The following DNAH14 variants were observed in gnomAD, a reference collection of about 807,000 sequenced individuals.
DNAH14 encodes axonemal beta dynein heavy chain 14.
A neutral mutation model predicts 520.9 loss-of-function variants in DNAH14; 478 were observed. That is an observed-to-expected ratio of 0.92 (90% CI 0.85 to 0.99). DNAH14 has a LOEUF of 0.99. Ranked by LOEUF, DNAH14 falls within the 50% of genes least tolerant of loss-of-function variation. The pLI is 0.00. For synonymous variants in DNAH14, 1,581 were observed against 1,757.2 expected (o/e 0.90, Z 2.51); for missense variants, 4,831 against 5,234.5 (o/e 0.92, Z 2.38).
intron 36 of DNAH14, among the ~76,000 whole-genome samples, chr1:225,169,033 C>A (rs538033116): frequency 6.6e-6 from 1 of 152,216 alleles, no homozygotes; most frequent in African/African-American, 2.4e-5. Flanking sequence ...GATACCCAGA[C>A]AAACAGGGTC....
At chr1:225,328,135 T>G (rs748922910) in intron 64 of DNAH14, among the ~76,000 whole-genome samples, 1 of 152,132 alleles carries the variant, frequency 6.6e-6, no homozygotes, top group Non-Finnish European at 1.5e-5. Context: ...ACCCAAACAG[T>G]TTCTCTCTGA....
intron 10 of DNAH14, among the ~76,000 whole-genome samples, chr1:225,009,768 T>C (rs887576435): frequency 5.3e-5 from 8 of 152,330 alleles, no homozygotes; most frequent in Middle Eastern, 3.4e-3. Context: ...GTTTGTGTCC[T>C]CTCTTATTTC....
Position 225,144,548 on chromosome 1 carries a change from G to A in DNAH14, c.4660G>A (p.Ala1554Thr). Residue 1554 changes from alanine to threonine, a missense_variant, in exon 29 of 86, where the codon GCA becomes ACA. Transcript: ENST00000682510. ...TDRCWLTLME[A>T]LHLNLGGCPA... ...CCGATGCTGGCTGACTCTCATGGAA[G>A]CACTACACTTGAATCTAGGAGGCTG... 2.6e-6 allele frequency: 4 copies of A among 1,551,572 alleles called. No homozygotes were observed. Among genetic ancestry groups the A allele is most frequent in the Non-Finnish European group, 3.5e-6 (4 of 1,146,958 alleles).
chr1:225,052,686 A>G (rs563102483), intron 17 of DNAH14, among the ~76,000 whole-genome samples: 1 of 152,190 alleles, frequency 6.6e-6, no homozygotes, highest in Non-Finnish European at 1.5e-5. Flanking sequence ...AGTACCATCT[A>G]AAGGAGGAGT....
At chr1:225,322,555 C>T (rs1016969368) in intron 61 of DNAH14, 109 bp from the exon 62 acceptor site, 7 of 1,101,266 alleles carry the variant, frequency 6.4e-6, no homozygotes, top group Admixed American at 3.2e-5. Flanking sequence ...AATAGTTTTC[C>T]TTATCCAAAT....
At chr1:225,192,371 G>A (rs2085559196) in intron 37 of DNAH14, among the ~76,000 whole-genome samples, 2 of 152,044 alleles carry the variant, frequency 1.3e-5, no homozygotes, top group Non-Finnish European at 2.9e-5. Flanking sequence ...GTATTCTGTT[G>A]TCTCTCACTT....
At chr1:224,971,268 T>C (rs932421249) in intron 7 of DNAH14, among the ~76,000 whole-genome samples, 4 of 152,218 alleles carry the variant, frequency 2.6e-5, no homozygotes, top group African/African-American at 9.6e-5. Context: ...TTGTGATATG[T>C]TTTTGTCCAT....
At position 225,036,360 on chromosome 1, in the gene DNAH14, C is replaced by T. The variant is rs142404254; in HGVS notation, c.1359-2334C>T. On this transcript the variant is annotated intron_variant, in intron 11 of 85. Coordinates refer to ENST00000682510, the MANE Select transcript of DNAH14 (RefSeq NM_001367479.1). ...CTATGTTGGCCAGACTGGTCTCGAA[C>T]TCCTGACCTCGTGATCCACCCACCT... is the stretch of plus-strand genomic sequence containing the variant. Among the ~76,000 whole-genome samples the T allele has an allele frequency of 7.1e-3, 1,086 of 152,262 alleles. 9 individuals carry two copies. Among genetic ancestry groups the T allele is most frequent in the African/African-American group, 0.024 (1,014 of 41,540 alleles).
intron 36 of DNAH14, among the ~76,000 whole-genome samples, chr1:225,176,419 A>T (rs555756271): frequency 6.6e-6 from 1 of 152,248 alleles, no homozygotes; most frequent in South Asian, 2.1e-4. Flanking sequence ...AATAATGTCT[A>T]TGTTATATCT....
Position 225,346,554 on chromosome 1 carries a change from G to A in DNAH14, c.11196G>A (p.Gln3732=), listed in dbSNP as rs747104433. ...MQNNANGNLI[Q]DDIGFLPEEE... ...ACAATGCTAATGGAAATCTAATACA[G>A]GATGACATTGGATTCCTACCAGAAG... The change falls in exon 71 of 86, where the codon CAG becomes CAA. Residue 3732 remains glutamine (Q), a synonymous_variant. Coordinates refer to ENST00000682510, the MANE Select transcript of DNAH14 (RefSeq NM_001367479.1). The A allele has an allele frequency of 1.9e-6, 3 of 1,550,938 alleles. No individual in the cohort carries two copies. Among genetic ancestry groups the A allele is most frequent in the South Asian group, 1.2e-5 (1 of 84,026 alleles).
chr1:225,047,742 T>C (rs2068091668), intron 15 of DNAH14, among the ~76,000 whole-genome samples: 1 of 152,250 alleles, frequency 6.6e-6, no homozygotes. Context: ...TTTGTGTTTA[T>C]GTACAGTTTT....
At chr1:225,262,491 C>A (rs1448186615) in intron 46 of DNAH14, among the ~76,000 whole-genome samples, 2 of 151,946 alleles carry the variant, frequency 1.3e-5, no homozygotes, top group Non-Finnish European at 2.9e-5. Context: ...ACATTTAAGT[C>A]TTTAATCCAT....
At chr1:225,199,838 A>G (rs2086594355) in intron 38 of DNAH14, among the ~76,000 whole-genome samples, 1 of 152,202 alleles carries the variant, frequency 6.6e-6, no homozygotes, top group Non-Finnish European at 1.5e-5. Context: ...TGTGCTGTAA[A>G]TATCTGTTAA....
intron 27 of DNAH14, among the ~76,000 whole-genome samples, chr1:225,137,621 G>A (rs1248592482): frequency 6.6e-6 from 1 of 152,170 alleles, no homozygotes; most frequent in Non-Finnish European, 1.5e-5. Flanking sequence ...CTCCCAGAGT[G>A]CTGGGATTAC....
chr1:224,965,538 C>G (rs1025276500), intron 5 of DNAH14, among the ~76,000 whole-genome samples: 10 of 151,968 alleles, frequency 6.6e-5, no homozygotes, highest in African/African-American at 2.4e-4. Flanking sequence ...ATGGATGTGA[C>G]CGTGTTCCAA....
intron 11 of DNAH14, among the ~76,000 whole-genome samples, chr1:225,035,821 TG>T (rs1461297478): frequency 1.4e-4 from 22 of 152,296 alleles, no homozygotes; most frequent in Admixed American, 1.4e-3. Flanking sequence ...TTGGATGAAA[TG>T]TTCTGTAAAT....
At chr1:225,093,521 A>G (rs2074603128) in intron 21 of DNAH14, among the ~76,000 whole-genome samples, 1 of 152,184 alleles carries the variant, frequency 6.6e-6, no homozygotes, top group Non-Finnish European at 1.5e-5. Flanking sequence ...CCCGCAGCCA[A>G]CATCATACTG....
At chr1:225,074,663 G>A (rs993217559) in intron 17 of DNAH14, among the ~76,000 whole-genome samples, 11 of 152,214 alleles carry the variant, frequency 7.2e-5, no homozygotes, top group African/African-American at 2.7e-4. Context: ...AGGAGGAACA[G>A]ATAAGGGACC....
rs187141858 is a variant in DNAH14 at position 225,372,211 on chromosome 1, C to G, written c.12319-2477C>G. 1.4e-3 allele frequency among the ~76,000 whole-genome samples: 217 copies of G among 152,126 alleles called. 1 individual carries two copies. Among genetic ancestry groups the G allele is most frequent in the Non-Finnish European group, 2.8e-3 (189 of 67,976 alleles). On this transcript the variant is annotated intron_variant, in intron 77 of 85. Transcript: ENST00000682510. Reference sequence around the variant, plus strand: ...GATATAATGCAGTTCCAATTAAAATCCTATTAGAGAAGTTTCAGAATTAAT... The same window carrying G: ...GATATAATGCAGTTCCAATTAAAATGCTATTAGAGAAGTTTCAGAATTAAT...
Sources: allele counts gnomAD v4.1 joint callset (sites outside exome capture counted in the v4.1 genomes callset), GRCh38; gene constraint gnomAD v4.1.1; transcripts MANE v1.5; gene names NCBI Gene and HGNC (gene_info 2026-07-23, HGNC 2026-07-21).